Variants in PCDH9 observed in about 807,000 individuals in gnomAD.
PCDH9 encodes the protein protocadherin 9.
Under a neutral mutation model 70.6 loss-of-function variants are expected in PCDH9, and 24 were observed. The observed-to-expected ratio is 0.34, with a 90% confidence interval of 0.25 to 0.48. PCDH9 has a LOEUF of 0.48. PCDH9 is among the 20% of genes least tolerant of loss of function. The pLI is 0.99. For missense variants in PCDH9, 1,281 were observed against 1,503.6 expected (o/e 0.85, Z 2.45); for synonymous variants, 562 against 558.5 (o/e 1.01, Z -0.09).
chr13:67,110,455 A>G (rs2086635939), intron 2 of PCDH9, among the ~76,000 whole-genome samples: 1 of 140,434 alleles, frequency 7.1e-6, no homozygotes, highest in African/African-American at 2.7e-5. Context: ...CTGAGGTTAC[A>G]GTGAGCTGAG....
At chr13:67,062,520 A>G (rs148884592) in intron 2 of PCDH9, among the ~76,000 whole-genome samples, 2 of 152,330 alleles carry the variant, frequency 1.3e-5, no homozygotes, top group Non-Finnish European at 2.9e-5. Context: ...TGCATATTGT[A>G]TATTGTTAAC....
chr13:66,464,500 CAA>C (rs1293400603), intron 4 of PCDH9, among the ~76,000 whole-genome samples: 2 of 151,820 alleles, frequency 1.3e-5, no homozygotes, highest in African/African-American at 4.8e-5. Context: ...TTTGTAAAAG[CAA>C]AAGAGTTTAT....
At position 66,812,876 on chromosome 13, in the gene PCDH9, C is replaced by T. The variant is rs191100739; in HGVS notation, c.3138+90628G>A. On this transcript the variant is annotated intron_variant, in intron 3 of 4. Transcript: ENST00000377865. ...CCTCATGACCTGACATTTATGACTCCGATGGCAACCATCACAGGCACCAAC... is the reference window on the plus strand; with the variant it reads ...CCTCATGACCTGACATTTATGACTCTGATGGCAACCATCACAGGCACCAAC... Among the ~76,000 whole-genome samples, 643 of 152,232 alleles carry T rather than the reference C, an allele frequency of 4.2e-3. 1 individual carries two copies. Among genetic ancestry groups the T allele is most frequent in the Non-Finnish European group, 5.0e-3 (338 of 68,018 alleles).
intron 2 of PCDH9, among the ~76,000 whole-genome samples, chr13:67,185,059 G>A (rs1375196337): frequency 6.6e-6 from 1 of 152,154 alleles, no homozygotes; most frequent in Non-Finnish European, 1.5e-5. Context: ...ATGCCCTGGA[G>A]AGCAGTGAGT....
At chr13:66,901,791 G>A (rs1389280350) in intron 3 of PCDH9, among the ~76,000 whole-genome samples, 5 of 151,464 alleles carry the variant, frequency 3.3e-5, no homozygotes, top group East Asian at 1.9e-4. Flanking sequence ...TATTCTCTAC[G>A]AAAAATACGA....
intron 3 of PCDH9, among the ~76,000 whole-genome samples, chr13:66,679,832 C>T (rs1216568654): frequency 6.6e-6 from 1 of 151,852 alleles, no homozygotes; most frequent in East Asian, 1.9e-4. Flanking sequence ...TCACCTGACT[C>T]ACCTGATATA....
intron 4 of PCDH9, among the ~76,000 whole-genome samples, chr13:66,550,432 G>A (rs1961434234): frequency 6.6e-6 from 1 of 152,026 alleles, no homozygotes. Context: ...ATATGTTATG[G>A]TTGGTTATGT....
intron 4 of PCDH9, among the ~76,000 whole-genome samples, chr13:66,319,485 G>A (rs1176455231): frequency 6.6e-6 from 1 of 151,114 alleles, no homozygotes; most frequent in Non-Finnish European, 1.5e-5. Context: ...CATGGCTTGA[G>A]CATCTTTCAG....
chr13:67,108,918 T>C (rs1478648449), intron 2 of PCDH9, among the ~76,000 whole-genome samples: 2 of 152,128 alleles, frequency 1.3e-5, no homozygotes, highest in Non-Finnish European at 2.9e-5. Flanking sequence ...ACCAAAATAT[T>C]TTAGCATGAT....
chr13:67,225,062 G>A, intron 2 of PCDH9: 4 of 1,130,862 alleles, frequency 3.5e-6, no homozygotes, highest in Non-Finnish European at 2.2e-6. Flanking sequence ...TCTTGAAGCA[G>A]TCAATTTGGA....
chr13:67,098,225 A>G (rs982101241), intron 2 of PCDH9, among the ~76,000 whole-genome samples: 37 of 152,304 alleles, frequency 2.4e-4, no homozygotes, highest in African/African-American at 7.9e-4. Flanking sequence ...ATAAATATTA[A>G]TTTGCAAAAT....
chr13:67,059,854 T>C (rs1223837409), intron 2 of PCDH9, among the ~76,000 whole-genome samples: 1 of 149,174 alleles, frequency 6.7e-6, no homozygotes, highest in Non-Finnish European at 1.5e-5. Context: ...TGTATCTGTG[T>C]ATTTCTGTTG....
At chr13:66,383,884 T>C (rs1432946744) in intron 4 of PCDH9, among the ~76,000 whole-genome samples, 1 of 152,166 alleles carries the variant, frequency 6.6e-6, no homozygotes, top group Non-Finnish European at 1.5e-5. Flanking sequence ...TTTATGATAA[T>C]AGGTGATTCG....
At chr13:66,575,026 A>T (rs1030631722) in intron 4 of PCDH9, among the ~76,000 whole-genome samples, 3 of 151,910 alleles carry the variant, frequency 2.0e-5, no homozygotes, top group Admixed American at 6.6e-5. Context: ...TACAAAAATT[A>T]CCTGGGCATG....
chr13:67,174,261 ATAGATAGATGATAGATAGC>A (rs1223311492), intron 2 of PCDH9, among the ~76,000 whole-genome samples: 1 of 152,044 alleles, frequency 6.6e-6, no homozygotes, highest in Admixed American at 6.6e-5. Flanking sequence ...CTATAGATAG[ATAGATAGATGATAGATAGC>A]TAGATAGACA....
intron 2 of PCDH9, among the ~76,000 whole-genome samples, chr13:66,934,466 GGGAGCC>G (rs1192007124): frequency 1.3e-5 from 2 of 149,386 alleles, no homozygotes; most frequent in Non-Finnish European, 3.0e-5. Context: ...ACTTGAACCC[GGGAGCC>G]GGAGGTTGCA....
chr13:66,680,770 A>G (rs1346666521), intron 3 of PCDH9, among the ~76,000 whole-genome samples: 2 of 152,064 alleles, frequency 1.3e-5, no homozygotes, highest in African/African-American at 4.8e-5. Flanking sequence ...CTCAAAAGAA[A>G]GCCACAAAAG....
At chr13:66,928,469 A>G (rs1032903852) in intron 2 of PCDH9, among the ~76,000 whole-genome samples, 2 of 152,148 alleles carry the variant, frequency 1.3e-5, no homozygotes, top group Non-Finnish European at 2.9e-5. Context: ...GAAATCATCT[A>G]AAACCATATT....
chr13:66,343,360 A>G, intron 4 of PCDH9, among the ~76,000 whole-genome samples: 1 of 152,194 alleles, frequency 6.6e-6, no homozygotes, highest in East Asian at 1.9e-4. Context: ...GCAGCAGTGC[A>G]TTCCTTTCTA....
Sources: gnomAD v4.1 joint callset for allele counts (sites outside exome capture counted in the v4.1 genomes callset) on GRCh38, gnomAD v4.1.1 for gene constraint, MANE v1.5 for transcripts, NCBI Gene and HGNC (gene_info 2026-07-23, HGNC 2026-07-21) for gene names.